DAPK1: variants seen among roughly 807,000 people sequenced by gnomAD.
DAPK1 encodes the protein death-associated protein kinase 1.
A neutral mutation model predicts 144.9 loss-of-function variants in DAPK1; 56 were observed. The observed-to-expected ratio is 0.39, with a 90% CI of 0.31 to 0.48. The LOEUF (loss-of-function observed/expected upper bound fraction) is 0.48. DAPK1 is among the 20% of genes least tolerant of loss of function. The pLI is 0.95. For missense variants in DAPK1, 1,454 were observed against 1,875.4 expected (o/e 0.78, Z 4.15); for synonymous variants, 690 against 749.0 (o/e 0.92, Z 1.29).
chr9:87,547,089 G>A lies in DAPK1; in HGVS notation c.62+47950G>A, dbSNP rs191422695. On this transcript the variant is annotated intron_variant, in intron 2 of 25. Coordinates refer to ENST00000408954, the MANE Select transcript of DAPK1 (RefSeq NM_004938.4). ...GGAGGATGCTTTAAGCCTGGGAGGC[G>A]GAGGTTGCAGTGAGCCAAGAGCAGA... Among the ~76,000 whole-genome samples, 465 of 152,256 alleles carry A rather than the reference G, an allele frequency of 3.1e-3. 1 individual carries two copies. The highest frequency in any genetic ancestry group is 0.014 in the Middle Eastern group (4 of 294).
At chr9:87,704,774 CAG>C (rs756063896) in intron 25 of DAPK1, among the ~76,000 whole-genome samples, 1 of 152,142 alleles carries the variant, frequency 6.6e-6, no homozygotes. Context: ...GACTCTTAGA[CAG>C]GGGGCATCTT....
At chr9:87,610,504 C>T (rs572395441) in intron 3 of DAPK1, among the ~76,000 whole-genome samples, 3 of 152,378 alleles carry the variant, frequency 2.0e-5, no homozygotes, top group Non-Finnish European at 4.4e-5. Context: ...TGTTCCTCAG[C>T]AGCCCTGGCT....
chr9:87,678,044 C>G (rs1012371762), intron 19 of DAPK1, among the ~76,000 whole-genome samples: 1 of 152,152 alleles, frequency 6.6e-6, no homozygotes, highest in Non-Finnish European at 1.5e-5. Flanking sequence ...GCTATCAAGA[C>G]CCCCAGTCCT....
At chr9:87,513,300 C>T (rs1297149127) in intron 2 of DAPK1, among the ~76,000 whole-genome samples, 3 of 152,210 alleles carry the variant, frequency 2.0e-5, no homozygotes, top group African/African-American at 7.2e-5. Context: ...GATAGACAGA[C>T]TTTTGCACAA....
chr9:87,515,502 G>A (rs779392924), intron 2 of DAPK1, among the ~76,000 whole-genome samples: 2 of 152,140 alleles, frequency 1.3e-5, no homozygotes, highest in Non-Finnish European at 2.9e-5. Context: ...TCTTTTGGAT[G>A]GGGATAGGCT....
At chr9:87,582,557 C>CTTTTTTTTTT (rs10659497) in intron 2 of DAPK1, among the ~76,000 whole-genome samples, 1 of 139,500 alleles carries the variant, frequency 7.2e-6, no homozygotes, top group South Asian at 2.3e-4. Flanking sequence ...AATTTTCCTG[C>CTTTTTTTTTT]TTTTTTTTTT....
intron 3 of DAPK1, chr9:87,632,364 G>A (rs371596135): frequency 1.0e-6 from 1 of 984,560 alleles, no homozygotes; most frequent in East Asian, 1.1e-4. Flanking sequence ...AGGGATGAAG[G>A]AGGATGAGTG....
intron 9 of DAPK1, among the ~76,000 whole-genome samples, chr9:87,641,535 C>G (rs966728490): frequency 2.0e-5 from 3 of 152,158 alleles, no homozygotes; most frequent in African/African-American, 7.2e-5. Flanking sequence ...AGGTGGAGGA[C>G]AAAAGCTAAA....
intron 2 of DAPK1, among the ~76,000 whole-genome samples, chr9:87,567,495 C>G (rs1827171399): frequency 6.6e-6 from 1 of 152,096 alleles, no homozygotes; most frequent in Non-Finnish European, 1.5e-5. Flanking sequence ...AGAGAAAGAC[C>G]AGGTGTGGAT....
chr9:87,577,552 C>T (rs150016472), intron 2 of DAPK1, among the ~76,000 whole-genome samples: 3,473 of 152,266 alleles, frequency 0.023, 70 homozygotes, highest in Non-Finnish European at 0.04. Flanking sequence ...AATCCCAGCA[C>T]TTTGGGAGGC....
At chr9:87,619,407 G>T (rs1271628329) in intron 3 of DAPK1, among the ~76,000 whole-genome samples, 2 of 152,206 alleles carry the variant, frequency 1.3e-5, no homozygotes, top group African/African-American at 2.4e-5. Context: ...CAGTGAAAGT[G>T]GTTGAAGTTG....
chr9:87,603,342 T>G (rs36207155), intron 2 of DAPK1, among the ~76,000 whole-genome samples: 2 of 152,164 alleles, frequency 1.3e-5, no homozygotes, highest in African/African-American at 4.8e-5. Flanking sequence ...ATAGACCCCG[T>G]AATTGTTTAA....
intron 2 of DAPK1, among the ~76,000 whole-genome samples, chr9:87,575,004 G>T (rs902381669): frequency 2.0e-5 from 3 of 150,746 alleles, no homozygotes; most frequent in African/African-American, 7.3e-5. Flanking sequence ...GATCACCTGA[G>T]GTCAGGAGTT....
At chr9:87,595,280 A>T (rs1425025699) in intron 2 of DAPK1, among the ~76,000 whole-genome samples, 3 of 152,188 alleles carry the variant, frequency 2.0e-5, no homozygotes, top group East Asian at 1.9e-4. Context: ...TCCTGCATAG[A>T]GCACCCTGTT....
intron 18 of DAPK1, among the ~76,000 whole-genome samples, chr9:87,663,980 T>G (rs1351491432): frequency 6.6e-6 from 1 of 151,450 alleles, no homozygotes; most frequent in African/African-American, 2.4e-5. Flanking sequence ...AGCCCCCACC[T>G]GGTTAAGGGC....
At chr9:87,696,092 T>C (rs1201335755) in intron 21 of DAPK1, among the ~76,000 whole-genome samples, 2 of 152,202 alleles carry the variant, frequency 1.3e-5, no homozygotes, top group Non-Finnish European at 2.9e-5. Context: ...ATCTTTGTTT[T>C]TTCCCCAGGT....
chr9:87,646,742 T>A (rs1830279953), intron 13 of DAPK1, among the ~76,000 whole-genome samples, 183 bp downstream of exon 13: 1 of 152,236 alleles, frequency 6.6e-6, no homozygotes. Context: ...GGCAAACATT[T>A]ATCATTTATC....
intron 17 of DAPK1, among the ~76,000 whole-genome samples, chr9:87,655,492 C>T (rs939845011): frequency 7.2e-5 from 11 of 152,270 alleles, no homozygotes; most frequent in Admixed American, 5.9e-4. Context: ...TGATTGTGAG[C>T]GTGGGGTGGC....
Position 87,648,602 on chromosome 9 carries a change from G to A in DAPK1, c.1330-179G>A, listed in dbSNP as rs1830341772. ...GTGGGCTTAATACTCACTGTGTGGT[G>A]GACACCCCAACCTCAGGTCCCCATC... On this transcript the variant is annotated intron_variant, in intron 14 of 25. Transcript: ENST00000408954. The A allele has an allele frequency of 4.2e-5, 25 of 594,126 alleles. No individual in the cohort carries two copies. The East Asian group carries it at 6.7e-4, about 16-fold the overall frequency. 36.8% of individuals were successfully genotyped at this position (594,126 alleles called of 1,614,324 possible).
Sources: allele counts gnomAD v4.1 joint callset (sites outside exome capture counted in the v4.1 genomes callset), GRCh38; gene constraint gnomAD v4.1.1; transcripts MANE v1.5; gene names NCBI Gene and HGNC (gene_info 2026-07-23, HGNC 2026-07-21).